Variants in RGS6 observed in about 807,000 individuals in gnomAD.
RGS6 encodes regulator of G-protein signaling 6.
In RGS6, 30 loss-of-function variants were observed where a neutral mutation model predicts 78.5. The observed-to-expected ratio is 0.38, with a 90% CI of 0.29 to 0.52. The LOEUF (loss-of-function observed/expected upper bound fraction) is 0.52. Ranked by LOEUF, RGS6 falls within the 20% of genes least tolerant of loss-of-function variation. The pLI is 0.85. For synonymous variants in RGS6, 206 were observed against 206.0 expected (o/e 1.00, Z 0.00); for missense variants, 495 against 609.7 (o/e 0.81, Z 1.98).
chr14:72,617,742 C>T, the RGS6 span, among the ~76,000 whole-genome samples: 31 of 152,278 alleles, frequency 2.0e-4, no homozygotes, highest in African/African-American at 7.0e-4. Context: ...ACAAATACTG[C>T]GGCCGGGCAG....
intron 2 of RGS6, among the ~76,000 whole-genome samples, chr14:72,085,700 A>G (rs1020682920): frequency 6.6e-6 from 1 of 151,994 alleles, no homozygotes; most frequent in African/African-American, 2.4e-5. Context: ...CTAAAAATAC[A>G]AAAATTAGCT....
At chr14:72,257,440 A>C in intron 2 of RGS6, among the ~76,000 whole-genome samples, 1 of 152,154 alleles carries the variant, frequency 6.6e-6, no homozygotes. Context: ...AGTCTTTTGC[A>C]GGAATCTTTT....
intron 2 of RGS6, among the ~76,000 whole-genome samples, chr14:72,002,434 TTG>T (rs2083652934): frequency 6.6e-6 from 1 of 152,216 alleles, no homozygotes; most frequent in East Asian, 1.9e-4. Flanking sequence ...TGTCTAAGGT[TTG>T]TATAACATCA....
chr14:72,003,828 A>C (rs1332289022), intron 2 of RGS6, among the ~76,000 whole-genome samples: 1 of 152,162 alleles, frequency 6.6e-6, no homozygotes, highest in East Asian at 1.9e-4. Flanking sequence ...AAGTTGGGGC[A>C]ACAGGGATGG....
At chr14:72,198,163 C>T (rs533647022) in intron 2 of RGS6, among the ~76,000 whole-genome samples, 1 of 152,118 alleles carries the variant, frequency 6.6e-6, no homozygotes, top group East Asian at 1.9e-4. Flanking sequence ...GAATTTAAGA[C>T]CAGCCTGGTC....
intron 2 of RGS6, among the ~76,000 whole-genome samples, chr14:71,980,951 T>G: frequency 9.0e-6 from 1 of 111,436 alleles, no homozygotes; most frequent in East Asian, 2.8e-4. Flanking sequence ...CTTGGAGGCT[T>G]TGCTCATTTC....
At chr14:72,149,898 C>CT (rs1171026970) in intron 2 of RGS6, among the ~76,000 whole-genome samples, 1 of 152,142 alleles carries the variant, frequency 6.6e-6, no homozygotes, top group African/African-American at 2.4e-5. Flanking sequence ...GGAGGTATCT[C>CT]TCCTTTATCC....
chr14:72,081,436 TTTC>T (rs1475604341), intron 2 of RGS6, among the ~76,000 whole-genome samples: 1 of 152,098 alleles, frequency 6.6e-6, no homozygotes, highest in Non-Finnish European at 1.5e-5. Context: ...ATTGGTATAC[TTTC>T]TTGAGTTTGT....
chr14:71,944,243 T>C (rs2091127303), intron 1 of RGS6, among the ~76,000 whole-genome samples: 1 of 152,190 alleles, frequency 6.6e-6, no homozygotes, highest in Admixed American at 6.5e-5. Flanking sequence ...AAAATAACAA[T>C]CAGCATTTGT....
At chr14:72,624,386 T>G in the RGS6 span, among the ~76,000 whole-genome samples, 9 of 132,788 alleles carry the variant, frequency 6.8e-5, no homozygotes, top group East Asian at 1.9e-3. Context: ...TTGCCCAAAC[T>G]GGAGTGCAGT....
chr14:72,465,911 T>C, intron 7 of RGS6, 89 bp downstream of exon 7: 3 of 1,101,128 alleles, frequency 2.7e-6, no homozygotes, highest in Non-Finnish European at 4.0e-6. Flanking sequence ...TTTTCTTTTG[T>C]CCCCCTTTTG....
intron 2 of RGS6, among the ~76,000 whole-genome samples, chr14:72,044,821 C>G (rs1162663860): frequency 6.6e-6 from 1 of 151,996 alleles, no homozygotes; most frequent in Admixed American, 6.5e-5. Flanking sequence ...TGCAGTGAGC[C>G]GAGATGATGC....
intron 2 of RGS6, among the ~76,000 whole-genome samples, chr14:72,142,526 G>A (rs1021318419): frequency 1.3e-5 from 2 of 152,302 alleles, no homozygotes; most frequent in African/African-American, 4.8e-5. Flanking sequence ...TCTGTTCCAT[G>A]TGTTTCTCTG....
chr14:72,070,899 T>C (rs548123989), intron 2 of RGS6, among the ~76,000 whole-genome samples: 221 of 152,324 alleles, frequency 1.5e-3, no homozygotes, highest in Middle Eastern at 0.01. Flanking sequence ...ATGTATGTTT[T>C]GTGCGTGTGT....
chr14:72,117,028 G>C (rs907822396), intron 2 of RGS6, among the ~76,000 whole-genome samples: 2 of 150,972 alleles, frequency 1.3e-5, no homozygotes, highest in African/African-American at 4.9e-5. Flanking sequence ...TGACTACCAA[G>C]GTGGTTGAGG....
chr14:72,461,459 CAAAA>C (rs753710670), intron 6 of RGS6, among the ~76,000 whole-genome samples: 1 of 152,100 alleles, frequency 6.6e-6, no homozygotes, highest in Non-Finnish European at 1.5e-5. Context: ...TCTCATTAAA[CAAAA>C]ATTATTTTAA....
intron 3 of RGS6, among the ~76,000 whole-genome samples, chr14:72,403,291 ATTCAT>A: frequency 1.3e-5 from 2 of 152,264 alleles, no homozygotes; most frequent in Non-Finnish European, 2.9e-5. Flanking sequence ...AAACTCTGTC[ATTCAT>A]GGCAACATGG....
At position 72,565,078 on chromosome 14, in the gene RGS6, A is replaced by T. The variant is rs1164166542; in HGVS notation, c.*2611A>T. On this transcript the variant is annotated 3_prime_UTR_variant, in exon 18 of 18. Coordinates refer to ENST00000553525, the MANE Select transcript of RGS6 (RefSeq NM_001204424.2). ...CGTCCCCCATTGGCCTGGTCTACAC[A>T]GCCAAAAATTCAGACTAGATTAGAT... 1 of 152,226 alleles carries T rather than the reference A, an allele frequency of 6.6e-6. No individual in the cohort carries two copies. Among genetic ancestry groups the T allele is most frequent in the Non-Finnish European group, 1.5e-5 (1 of 68,046 alleles). 9.4% of individuals were successfully genotyped at this position (152,226 alleles called of 1,614,324 possible).
At chr14:72,498,856 A>G (rs995832220) in intron 13 of RGS6, among the ~76,000 whole-genome samples, 1 of 152,212 alleles carries the variant, frequency 6.6e-6, no homozygotes, top group Admixed American at 6.5e-5. Context: ...TCCCCTGAGC[A>G]GTTCACACAG....
Sources: allele counts gnomAD v4.1 joint callset (sites outside exome capture counted in the v4.1 genomes callset), GRCh38; gene constraint gnomAD v4.1.1; transcripts MANE v1.5; gene names NCBI Gene and HGNC (gene_info 2026-07-23, HGNC 2026-07-21).